The following DTNBP1 variants were observed in gnomAD, a reference collection of about 807,000 sequenced individuals.
DTNBP1 encodes dystrobrevin binding protein 1.
DTNBP1 carries 35 observed loss-of-function variants against 42.8 expected under a neutral mutation model. The ratio of observed to expected loss-of-function variants is 0.82; its 90% CI spans 0.63 to 1.09. The LOEUF is 1.09. DTNBP1 is among the 50% of genes least tolerant of loss of function. The pLI is 0.00. For synonymous variants in DTNBP1, 171 were observed against 162.2 expected (o/e 1.05, Z -0.41); for missense variants, 457 against 424.2 (o/e 1.08, Z -0.68).
intron 6 of DTNBP1, among the ~76,000 whole-genome samples, chr6:15,603,255 A>G (rs777087748): frequency 6.6e-6 from 1 of 152,264 alleles, no homozygotes; most frequent in Non-Finnish European, 1.5e-5. Flanking sequence ...TCATTGGCCT[A>G]GTAAATGTGA....
intron 3 of DTNBP1, among the ~76,000 whole-genome samples, chr6:15,640,035 T>G (rs1401214824): frequency 6.6e-6 from 1 of 152,184 alleles, no homozygotes; most frequent in Non-Finnish European, 1.5e-5. Context: ...ACCTAGTTCA[T>G]TCATGATTTT....
chr6:15,662,547 C>T (rs950955724), intron 1 of DTNBP1, among the ~76,000 whole-genome samples: 10 of 151,794 alleles, frequency 6.6e-5, no homozygotes, highest in African/African-American at 1.4e-4. Flanking sequence ...GGGTCCCACA[C>T]CCCCCCCGGG....
chr6:15,551,356 TACA>T (rs1334063350), intron 7 of DTNBP1, among the ~76,000 whole-genome samples: 1 of 152,208 alleles, frequency 6.6e-6, no homozygotes, highest in Non-Finnish European at 1.5e-5. Context: ...TTCTACTGGC[TACA>T]ACAACCTTAC....
chr6:15,572,185 G>GA (rs902275539), intron 7 of DTNBP1, among the ~76,000 whole-genome samples: 3 of 151,606 alleles, frequency 2.0e-5, no homozygotes, highest in African/African-American at 2.4e-5. Context: ...ATACAAATGA[G>GA]AAAAAAAACA....
intron 6 of DTNBP1, among the ~76,000 whole-genome samples, chr6:15,611,213 C>T (rs550602201): frequency 6.6e-5 from 10 of 152,252 alleles, no homozygotes; most frequent in Non-Finnish European, 1.2e-4. Context: ...TAGAATTATG[C>T]TAAATTTACT....
chr6:15,608,401 A>G (rs113703748), intron 6 of DTNBP1, among the ~76,000 whole-genome samples: 2,439 of 152,318 alleles, frequency 0.016, 80 homozygotes, highest in African/African-American at 0.056. Context: ...TGCCACGCCG[A>G]TAAGACAATG....
intron 7 of DTNBP1, among the ~76,000 whole-genome samples, chr6:15,558,361 G>A (rs1267583087): frequency 2.0e-5 from 3 of 151,394 alleles, no homozygotes; most frequent in Admixed American, 6.6e-5. Context: ...CTGCCTCCCA[G>A]GTTCAAGTGA....
rs536493604 is a variant in DTNBP1, at chr6:15,572,107, A to G, written c.511+20952T>C. Among the ~76,000 whole-genome samples, 28 of 152,360 alleles carry G rather than the reference A, an allele frequency of 1.8e-4. No individual in the cohort carries two copies. The South Asian group carries it at 5.8e-3, about 32-fold the overall frequency. ...GAATTATAATTAGCATGAATTCATA[A>G]TTACAAAGACCTTAACATTTATTCC... On this transcript the variant is annotated intron_variant, in intron 7 of 9. Transcript: ENST00000344537.
chr6:15,558,592 T>C (rs1441983560), intron 7 of DTNBP1, among the ~76,000 whole-genome samples: 1 of 152,090 alleles, frequency 6.6e-6, no homozygotes, highest in Admixed American at 6.6e-5. Context: ...TAAATGCAGG[T>C]CTCTGATAAC....
At position 15,567,494 on chromosome 6, in the gene DTNBP1, A is replaced by C. The variant is rs533405957; in HGVS notation, c.511+25565T>G. On this transcript the variant is annotated intron_variant, in intron 7 of 9. Coordinates refer to ENST00000344537, the MANE Select transcript of DTNBP1 (RefSeq NM_032122.5). ...CAAACAAACAAACAAACAAACAAACAAACCTTGGTCTCCACAACCCTTTAT... is the reference window on the plus strand; with the variant it reads ...CAAACAAACAAACAAACAAACAAACCAACCTTGGTCTCCACAACCCTTTAT... Among the ~76,000 whole-genome samples, 83 of 132,884 alleles carry C rather than the reference A, an allele frequency of 6.2e-4. 2 individuals carry two copies. The highest frequency in any genetic ancestry group is 3.8e-3 in the Middle Eastern group (1 of 264). 87.2% of individuals were successfully genotyped at this position (132,884 alleles called of 152,430 possible).
At chr6:15,650,025 A>G (rs1392207673) in intron 3 of DTNBP1, among the ~76,000 whole-genome samples, 1 of 152,236 alleles carries the variant, frequency 6.6e-6, no homozygotes, top group Non-Finnish European at 1.5e-5. Context: ...AAGGAAGCAA[A>G]TATCATATTA....
intron 5 of DTNBP1, among the ~76,000 whole-genome samples, chr6:15,621,774 T>C (rs1759056883): frequency 6.6e-6 from 1 of 152,310 alleles, no homozygotes; most frequent in South Asian, 2.1e-4. Context: ...ATATTCTACA[T>C]TACAGCAAAA....
At chr6:15,605,330 C>T (rs1353174539) in intron 6 of DTNBP1, among the ~76,000 whole-genome samples, 4 of 152,170 alleles carry the variant, frequency 2.6e-5, no homozygotes, top group African/African-American at 9.7e-5. Context: ...TATCTCTAAA[C>T]GTACCTACTG....
At chr6:15,525,151 G>C (rs1274418774) in intron 8 of DTNBP1, among the ~76,000 whole-genome samples, 1 of 152,190 alleles carries the variant, frequency 6.6e-6, no homozygotes, top group African/African-American at 2.4e-5. Flanking sequence ...GAAGGGGTTT[G>C]ACCTACATCT....
rs527648531 is a variant in DTNBP1 at position 15,618,250 on chromosome 6, T to C, written c.356-2851A>G. On this transcript the variant is annotated intron_variant, in intron 5 of 9. Coordinates refer to ENST00000344537, the MANE Select transcript of DTNBP1 (RefSeq NM_032122.5). ...GGTACATGAATGGCCAACAGGTATA[T>C]GGAAAAATGTTCAACATCACTAATT... 3.9e-5 allele frequency among the ~76,000 whole-genome samples: 6 copies of C among 152,156 alleles called. No homozygotes were observed. The South Asian group carries it at 1.0e-3, about 26-fold the overall frequency.
chr6:15,559,506 GAGA>G, intron 7 of DTNBP1, among the ~76,000 whole-genome samples: 1 of 152,270 alleles, frequency 6.6e-6, no homozygotes. Context: ...TGGCTAGACT[GAGA>G]AGAAGCTTCA....
intron 7 of DTNBP1, among the ~76,000 whole-genome samples, chr6:15,565,852 A>C (rs1377306850): frequency 1.3e-5 from 2 of 152,240 alleles, no homozygotes; most frequent in African/African-American, 4.8e-5. Flanking sequence ...CCTCAATAAA[A>C]CTGTTTGAAA....
chr6:15,627,060 CA>C (rs1440552398), intron 5 of DTNBP1, among the ~76,000 whole-genome samples: 2 of 152,138 alleles, frequency 1.3e-5, no homozygotes, highest in African/African-American at 4.8e-5. Context: ...TGCTTTTAAA[CA>C]GAGACCAAAT....
chr6:15,548,293 A>G (rs1375247732), intron 7 of DTNBP1: 1 of 152,232 alleles, frequency 6.6e-6, no homozygotes, highest in Non-Finnish European at 1.5e-5. Context: ...TTCAACATAA[A>G]TAATCACACA....
Sources: allele counts gnomAD v4.1 joint callset (sites outside exome capture counted in the v4.1 genomes callset), GRCh38; gene constraint gnomAD v4.1.1; transcripts MANE v1.5; gene names NCBI Gene and HGNC (gene_info 2026-07-23, HGNC 2026-07-21).